Variants in PDE10A observed in about 807,000 individuals in gnomAD.
The protein encoded by PDE10A is phosphodiesterase 10A, also known as cAMP and cAMP-inhibited cGMP 3',5'-cyclic phosphodiesterase 10A.
Under a neutral mutation model 97.7 loss-of-function variants are expected in PDE10A, and 39 were observed. The observed-to-expected ratio is 0.40, with a 90% CI of 0.31 to 0.52. The LOEUF is 0.52. PDE10A is among the 20% of genes least tolerant of loss of function. The pLI, the probability that PDE10A is intolerant of heterozygous loss-of-function variation, is 0.56. For synonymous variants in PDE10A, 371 were observed against 376.8 expected, an observed-to-expected ratio of 0.98 and a Z score of 0.18; for missense variants, 731 against 1,047.8, an observed-to-expected ratio of 0.70 and a Z score of 4.17.
chr6:165,956,788 C>T (rs543657923), intron 1 of PDE10A, among the ~76,000 whole-genome samples: 4 of 152,248 alleles, frequency 2.6e-5, no homozygotes, highest in South Asian at 2.1e-4. Flanking sequence ...GTATGGAATC[C>T]GAATCATGTC....
chr6:165,771,800 A>G (rs1190018093), intron 1 of PDE10A, among the ~76,000 whole-genome samples: 1 of 152,216 alleles, frequency 6.6e-6, no homozygotes, highest in Non-Finnish European at 1.5e-5. Context: ...CCTACACGAG[A>G]ACTAACCACA....
intron 18 of PDE10A, among the ~76,000 whole-genome samples, chr6:165,344,826 T>C (rs2128182067): frequency 6.6e-6 from 1 of 152,330 alleles, no homozygotes; most frequent in South Asian, 2.1e-4. Flanking sequence ...TCTTACAGGT[T>C]AGACTAAATC....
chr6:165,334,391 G>A (rs1035377278), intron 21 of PDE10A, among the ~76,000 whole-genome samples: 8 of 147,976 alleles, frequency 5.4e-5, no homozygotes, highest in East Asian at 2.0e-4. Flanking sequence ...CGCCGGGCAC[G>A]CGCCTCCATA....
intron 2 of PDE10A, among the ~76,000 whole-genome samples, chr6:165,499,626 T>C (rs1183266877): frequency 6.6e-6 from 1 of 152,206 alleles, no homozygotes; most frequent in Non-Finnish European, 1.5e-5. Context: ...TCATTTCCCT[T>C]TGTCTATAGC....
intron 1 of PDE10A, among the ~76,000 whole-genome samples, chr6:165,697,953 G>A (rs143053351): frequency 2.1e-3 from 313 of 152,236 alleles, no homozygotes; most frequent in Non-Finnish European, 3.3e-3. Flanking sequence ...CTGTTACGCC[G>A]TCACTGTCCC....
intron 1 of PDE10A, chr6:165,775,792 T>A (rs1307385137): frequency 6.6e-6 from 1 of 152,224 alleles, no homozygotes; most frequent in African/African-American, 2.4e-5. Context: ...GTTATTAAAG[T>A]ACACCTATAA....
chr6:165,681,341 C>T (rs574895387), intron 1 of PDE10A, among the ~76,000 whole-genome samples: 2 of 152,070 alleles, frequency 1.3e-5, no homozygotes, highest in Non-Finnish European at 2.9e-5. Context: ...AAGAAAATTT[C>T]AAAATTACTC....
intron 1 of PDE10A, among the ~76,000 whole-genome samples, chr6:165,625,595 G>C (rs1271425714): frequency 6.6e-6 from 1 of 152,134 alleles, no homozygotes; most frequent in Non-Finnish European, 1.5e-5. Context: ...GTCATGGGAG[G>C]GACCTGGTGA....
intron 1 of PDE10A, among the ~76,000 whole-genome samples, chr6:165,727,851 T>G (rs1792337392): frequency 6.6e-6 from 1 of 152,234 alleles, no homozygotes; most frequent in African/African-American, 2.4e-5. Flanking sequence ...CATCTTATGC[T>G]GCTGAAATAG....
chr6:165,818,384 G>T (rs541744160), intron 1 of PDE10A, among the ~76,000 whole-genome samples: 3 of 152,310 alleles, frequency 2.0e-5, no homozygotes, highest in Non-Finnish European at 4.4e-5. Context: ...TAGTGGGTTG[G>T]TAACAATGGT....
intron 1 of PDE10A, among the ~76,000 whole-genome samples, chr6:165,753,422 C>A (rs1172779387): frequency 6.6e-6 from 1 of 152,162 alleles, no homozygotes; most frequent in Admixed American, 6.5e-5. Flanking sequence ...AACAAGAGGG[C>A]CAGACAAGGG....
intron 1 of PDE10A, among the ~76,000 whole-genome samples, chr6:165,853,554 ACG>A (rs1456763848): frequency 2.6e-4 from 39 of 152,322 alleles, no homozygotes; most frequent in African/African-American, 7.9e-4. Flanking sequence ...GAGTTCATAT[ACG>A]TATCCCAAGA....
intron 2 of PDE10A, among the ~76,000 whole-genome samples, chr6:165,486,830 G>C (rs1215759373): frequency 2.0e-5 from 3 of 152,212 alleles, no homozygotes; most frequent in African/African-American, 7.2e-5. Flanking sequence ...CACTTCAGGG[G>C]AGAATGACAG....
rs548102690 is a variant in PDE10A, at chr6:165,331,978, G to A, written c.*1047C>T. ...GAAGAGATAAGTGAGAGGTGACTGC[G>A]GCAGGTCAGAGTAAAATTACAAAAT... On this transcript the variant is annotated 3_prime_UTR_variant, in exon 22 of 22. Coordinates refer to ENST00000539869, the MANE Select transcript of PDE10A (RefSeq NM_001385079.1). The A allele has an allele frequency of 3.0e-4, 45 of 152,208 alleles. No individual in the cohort carries two copies. The South Asian group carries it at 8.1e-3, about 27-fold the overall frequency. 9.4% of individuals were successfully genotyped at this position (152,208 alleles called of 1,614,324 possible). A position where few individuals can be genotyped will look rare whatever the true frequency, so the allele number is the denominator to read the frequency against.
chr6:165,471,557 C>A (rs1474668865), intron 3 of PDE10A, among the ~76,000 whole-genome samples: 2 of 152,100 alleles, frequency 1.3e-5, no homozygotes, highest in South Asian at 2.1e-4. Flanking sequence ...GGAACCACCC[C>A]CTGAACACAC....
Position 165,432,960 on chromosome 6 carries a change from T to C in PDE10A, c.1491+14A>G, listed in dbSNP as rs376616537. 7.6e-5 allele frequency: 122 copies of C among 1,610,284 alleles called. No individual in the cohort carries two copies. The highest frequency in any genetic ancestry group is 1.0e-4 in the Non-Finnish European group (119 of 1,177,772). ...CAACTAAAAATTCTAACATGCAGCATTTAAAGGCCTTACCTCCTGGTGACT... is the reference window on the plus strand; with the variant it reads ...CAACTAAAAATTCTAACATGCAGCACTTAAAGGCCTTACCTCCTGGTGACT... On this transcript the variant is annotated intron_variant, in intron 7 of 21. Transcript: ENST00000539869.
chr6:165,691,578 C>T (rs1196586071), intron 1 of PDE10A, among the ~76,000 whole-genome samples: 1 of 115,192 alleles, frequency 8.7e-6, no homozygotes, highest in Non-Finnish European at 1.8e-5. Flanking sequence ...CATGCGCACG[C>T]ATGCACGCGC....
intron 1 of PDE10A, among the ~76,000 whole-genome samples, chr6:165,811,717 G>A (rs1314799667): frequency 6.6e-6 from 1 of 152,208 alleles, no homozygotes; most frequent in Non-Finnish European, 1.5e-5. Context: ...GCTCTGTCCT[G>A]TCTTAGCTGC....
intron 1 of PDE10A, among the ~76,000 whole-genome samples, chr6:165,826,605 T>C (rs1779761216): frequency 6.6e-6 from 1 of 150,814 alleles, no homozygotes; most frequent in African/African-American, 2.4e-5. Flanking sequence ...AGCCCAGTCC[T>C]TGTGGTTCTG....
Sources: gnomAD v4.1 joint callset for allele counts (sites outside exome capture counted in the v4.1 genomes callset) on GRCh38, gnomAD v4.1.1 for gene constraint, MANE v1.5 for transcripts, NCBI Gene and HGNC (gene_info 2026-07-23, HGNC 2026-07-21) for gene names.